Variants in TCF19 observed in about 807,000 individuals in gnomAD.
TCF19 encodes the protein transcription factor 19.
In TCF19, 9 loss-of-function variants were observed where a neutral mutation model predicts 18.3. The ratio of observed to expected loss-of-function variants is 0.49; its 90% CI spans 0.30 to 0.86. The LOEUF is 0.86. Ranked by LOEUF, TCF19 falls within the 40% of genes least tolerant of loss-of-function variation. TCF19 has a pLI of 0.07. For synonymous variants in TCF19, 176 were observed against 185.3 expected (o/e 0.95, Z 0.41); for missense variants, 376 against 464.3 (o/e 0.81, Z 1.75).
Position 31,163,398 on chromosome 6 carries a change from G to A in TCF19, c.*681G>A. Reference sequence around the variant, plus strand: ...GGAAAGGTGCAAATATATGGGTTGAGCTGGAGGTAGGAATACAGGTAATTA... The same window carrying A: ...GGAAAGGTGCAAATATATGGGTTGAACTGGAGGTAGGAATACAGGTAATTA... On this transcript the variant is annotated 3_prime_UTR_variant, in exon 4 of 4. Coordinates refer to ENST00000376257, the MANE Select transcript of TCF19 (RefSeq NM_007109.3). The A allele has an allele frequency of 1.0e-6, 1 of 985,582 alleles. No individual in the cohort carries two copies. Among genetic ancestry groups the A allele is most frequent in the Non-Finnish European group, 1.2e-6 (1 of 830,032 alleles). 61.1% of individuals were successfully genotyped at this position (985,582 alleles called of 1,614,324 possible).
rs566055301 is a variant in TCF19, at chr6:31,159,829, G to C, written c.238+122G>C. ...CTCCCATCAGATTGGATGGATGGTC[G>C]TGGTCCAGACCTTCATCTTCCCACC... On this transcript the variant is annotated intron_variant, in intron 2 of 3. Transcript: ENST00000376257. 67 of 1,005,144 alleles carry C rather than the reference G, an allele frequency of 6.7e-5. No homozygotes were observed. The African/African-American group carries it at 9.6e-4, about 14-fold the overall frequency. 62.3% of individuals were successfully genotyped at this position (1,005,144 alleles called of 1,614,324 possible).
In TCF19 at chr6:31,159,462, C is replaced by T; in HGVS notation, c.-8C>T. The T allele has an allele frequency of 6.4e-7, 1 of 1,554,396 alleles. No homozygotes were observed. On this transcript the variant is annotated 5_prime_UTR_variant, in exon 2 of 4. Coordinates refer to ENST00000376257, the MANE Select transcript of TCF19 (RefSeq NM_007109.3). ...AGTGGAAGAGGTGGTGCAGAGGGGG[C>T]ACCGCCCATGCTGCCCTGCTTCCAA...
chr6:31,163,477 G>C lies in TCF19; in HGVS notation c.*760G>C. The C allele has an allele frequency of 1.0e-6, 1 of 985,408 alleles. No homozygotes were observed. The highest frequency in any genetic ancestry group is 1.2e-6 in the Non-Finnish European group (1 of 829,936). 61.0% of individuals were successfully genotyped at this position (985,408 alleles called of 1,614,324 possible). On this transcript the variant is annotated 3_prime_UTR_variant, in exon 4 of 4. Transcript: ENST00000376257. ...TATTGCCATTTAAATAAGGTAACTGGGATTTGGTTAAGTTCACAAAGATAG... is the reference window on the plus strand; with the variant it reads ...TATTGCCATTTAAATAAGGTAACTGCGATTTGGTTAAGTTCACAAAGATAG...
intron 2 of TCF19, among the ~76,000 whole-genome samples, chr6:31,160,774 CA>C (rs1189488577): frequency 4.4e-4 from 66 of 150,714 alleles, no homozygotes; most frequent in African/African-American, 1.0e-3. Context: ...AACAAACAAA[CA>C]AAAAGCTTGC....
Position 31,162,693 on chromosome 6 carries a change from G to T in TCF19, c.1014G>T (p.Gly338=). Residue 338 remains glycine, a synonymous_variant, in exon 4 of 4, where the codon GGG becomes GGT. Coordinates refer to ENST00000376257, the MANE Select transcript of TCF19 (RefSeq NM_007109.3). The surrounding 1 kb of genome is among the most constrained non-coding windows in gnomAD (Gnocchi z 4.5). ...AAREADFRCP[G]CRAGIQT is the part of the protein sequence containing the mutation. ...GGGAGGCCGACTTCCGATGCCCAGGGTGCCGGGCTGGCATTCAGACCTAAG... is the reference window on the plus strand; with the variant it reads ...GGGAGGCCGACTTCCGATGCCCAGGTTGCCGGGCTGGCATTCAGACCTAAG... 6.2e-7 allele frequency: 1 copy of T among 1,611,882 alleles called. No individual in the cohort carries two copies. Among genetic ancestry groups the T allele is most frequent in the South Asian group, 1.1e-5 (1 of 91,062 alleles).
At chr6:31,160,574 T>G (rs1378824891) in intron 2 of TCF19, among the ~76,000 whole-genome samples, 1 of 151,050 alleles carries the variant, frequency 6.6e-6, no homozygotes, top group Non-Finnish European at 1.5e-5. Flanking sequence ...ACCAACATGT[T>G]GAAACCCCAT....
In TCF19 at chr6:31,162,035, G is replaced by A; in HGVS notation, c.797+30G>A. 1 of 1,569,252 alleles carries A rather than the reference G, an allele frequency of 6.4e-7. No homozygotes were observed. The highest frequency in any genetic ancestry group is 8.7e-7 in the Non-Finnish European group (1 of 1,155,548). On this transcript the variant is annotated intron_variant, in intron 3 of 3. Transcript: ENST00000376257. The surrounding 1 kb of genome is among the most constrained non-coding windows in gnomAD (Gnocchi z 4.5). The stretch of plus-strand genomic sequence containing the variant: ...GTGGAGTCCTCACTTGGCCCTCTCA[G>A]TGTTTTACTGCTTTTCGATTCCTTG...
At chr6:31,161,158 AAAAAAAAAAAGAAAGAAAG>A (rs1238453254) in intron 2 of TCF19, among the ~76,000 whole-genome samples, 1 of 101,868 alleles carries the variant, frequency 9.8e-6, no homozygotes, top group Non-Finnish European at 2.0e-5. Context: ...CATCTCAAAA[AAAAAAAAAAAGAAAGAAAG>A]AAAAAAAAAG....
At chr6:31,161,395 G>A in intron 2 of TCF19, 52 bp from the exon 3 acceptor site, 1 of 1,320,596 alleles carries the variant, frequency 7.6e-7, no homozygotes, top group Non-Finnish European at 9.9e-7. Flanking sequence ...TCCTGACTCT[G>A]GTCATTTCTG....
rs1491258363 is a variant in TCF19 at position 31,159,073 on chromosome 6, A to AC, written c.-397_-396insC. On this transcript the variant is annotated 5_prime_UTR_variant, in exon 2 of 4. Transcript: ENST00000376257. ...TATTGCACGTAGACGTGTGTATAAC[A>AC]GGACCTCCTTCCCCGCGCCCCGCCA... The AC allele has an allele frequency of 4.0e-6, 1 of 252,310 alleles. No individual in the cohort carries two copies. Among genetic ancestry groups the AC allele is most frequent in the African/African-American group, 2.2e-5 (1 of 44,626 alleles). 15.6% of individuals were successfully genotyped at this position (252,310 alleles called of 1,614,324 possible).
rs1776905859 is a variant in TCF19, at chr6:31,162,996, C to T, written c.*279C>T. 9 of 1,335,080 alleles carry T rather than the reference C, an allele frequency of 6.7e-6. No homozygotes were observed. The South Asian group carries it at 1.9e-4, about 28-fold the overall frequency. The allele number at this position is 1,335,080 out of a possible 1,614,324, so 82.7% of individuals were successfully genotyped here. A position where few individuals can be genotyped will look rare whatever the true frequency, so the allele number is the denominator to read the frequency against. On this transcript the variant is annotated 3_prime_UTR_variant, in exon 4 of 4. Transcript: ENST00000376257. The surrounding 1 kb of genome is among the most constrained non-coding windows in gnomAD (Gnocchi z 4.5). Reference sequence around the variant, plus strand: ...AGCCATAAGGCCATGTTGCCATGGACACCAGAATATCTGTAGTCAGAGCAC... The same window carrying T: ...AGCCATAAGGCCATGTTGCCATGGATACCAGAATATCTGTAGTCAGAGCAC...
chr6:31,163,407 A>G lies in TCF19; in HGVS notation c.*690A>G. 1 of 985,538 alleles carries G rather than the reference A, an allele frequency of 1.0e-6. No homozygotes were observed. The highest frequency in any genetic ancestry group is 1.2e-6 in the Non-Finnish European group (1 of 829,978). The allele number at this position is 985,538 out of a possible 1,614,324, so 61.0% of individuals were successfully genotyped here. A position where few individuals can be genotyped will look rare whatever the true frequency, so the allele number is the denominator to read the frequency against. On this transcript the variant is annotated 3_prime_UTR_variant, in exon 4 of 4. Transcript: ENST00000376257. The stretch of plus-strand genomic sequence containing the variant: ...CAAATATATGGGTTGAGCTGGAGGT[A>G]GGAATACAGGTAATTAAGGTTTCTA...
rs1486434029 is a variant in TCF19 at position 31,163,416 on chromosome 6, G to A, written c.*699G>A. 9.1e-6 allele frequency: 9 copies of A among 985,322 alleles called. No individual in the cohort carries two copies. Among genetic ancestry groups the A allele is most frequent in the Non-Finnish European group, 9.6e-6 (8 of 829,946 alleles). 61.0% of individuals were successfully genotyped at this position (985,322 alleles called of 1,614,324 possible). On this transcript the variant is annotated 3_prime_UTR_variant, in exon 4 of 4. Coordinates refer to ENST00000376257, the MANE Select transcript of TCF19 (RefSeq NM_007109.3). ...GGGTTGAGCTGGAGGTAGGAATACA[G>A]GTAATTAAGGTTTCTAGTTTAAGGG...
In TCF19 at chr6:31,163,022, C is replaced by CT; in HGVS notation, c.*306dup. ...ACCAGAATATCTGTAGTCAGAGCACCTATCAGTTGCAAAAGCCATGCCTGC... is the reference window on the plus strand; with the variant it reads ...ACCAGAATATCTGTAGTCAGAGCACCTTATCAGTTGCAAAAGCCATGCCTGC... On this transcript the variant is annotated 3_prime_UTR_variant, in exon 4 of 4. Transcript: ENST00000376257. 1.6e-6 allele frequency: 2 copies of CT among 1,239,550 alleles called. No individual in the cohort carries two copies. Among genetic ancestry groups the CT allele is most frequent in the Non-Finnish European group, 2.0e-6 (2 of 988,854 alleles). The allele number at this position is 1,239,550 out of a possible 1,614,324, so 76.8% of individuals were successfully genotyped here.
chr6:31,159,829 G>A (rs566055301), intron 2 of TCF19, 122 bp downstream of exon 2: 3 of 1,005,014 alleles, frequency 3.0e-6, no homozygotes, highest in African/African-American at 1.6e-5. Context: ...ATGGATGGTC[G>A]TGGTCCAGAC....
At position 31,163,576 on chromosome 6, in the gene TCF19, T is replaced by G; in HGVS notation, c.*859T>G. 1 of 985,474 alleles carries G rather than the reference T, an allele frequency of 1.0e-6. No homozygotes were observed. 61.0% of individuals were successfully genotyped at this position (985,474 alleles called of 1,614,324 possible). A position where few individuals can be genotyped will look rare whatever the true frequency, so the allele number is the denominator to read the frequency against. ...GCCTGGTAAACCAGCTACAGCAGTT[T>G]ACCAGTGTGATGGCTGTGACACAGC... is the stretch of plus-strand genomic sequence containing the variant. On this transcript the variant is annotated 3_prime_UTR_variant, in exon 4 of 4. Coordinates refer to ENST00000376257, the MANE Select transcript of TCF19 (RefSeq NM_007109.3).
Position 31,162,908 on chromosome 6 carries a change from T to G in TCF19, c.*191T>G. 1 of 1,405,848 alleles carries G rather than the reference T, an allele frequency of 7.1e-7. No homozygotes were observed. The highest frequency in any genetic ancestry group is 2.6e-5 in the East Asian group (1 of 38,654). The allele number at this position is 1,405,848 out of a possible 1,614,324, so 87.1% of individuals were successfully genotyped here. ...GGTGGCCAAGACAGAAGAGATGGTT[T>G]CCTGCCAAAGATATTGCCACCTCCA... On this transcript the variant is annotated 3_prime_UTR_variant, in exon 4 of 4. Transcript: ENST00000376257. The surrounding 1 kb of genome is among the most constrained non-coding windows in gnomAD (Gnocchi z 4.5).
chr6:31,163,913 G>GTCAC lies in TCF19; in HGVS notation c.*1198_*1201dup. On this transcript the variant is annotated 3_prime_UTR_variant, in exon 4 of 4. Transcript: ENST00000376257. ...GGAATAAAACTTGAGTAACTAATGA[G>GTCAC]TCACTTATGGGCAGAGTATGCAAAA... 1.0e-6 allele frequency: 1 copy of GTCAC among 985,460 alleles called. No homozygotes were observed. The highest frequency in any genetic ancestry group is 1.2e-6 in the Non-Finnish European group (1 of 829,976). 61.0% of individuals were successfully genotyped at this position (985,460 alleles called of 1,614,324 possible).
chr6:31,160,192 T>C (rs1182964245), intron 2 of TCF19, among the ~76,000 whole-genome samples: 4 of 152,226 alleles, frequency 2.6e-5, no homozygotes, highest in Non-Finnish European at 4.4e-5. Flanking sequence ...TAGACTATAG[T>C]AGCCAACATT....
Sources: allele counts gnomAD v4.1 joint callset (sites outside exome capture counted in the v4.1 genomes callset), GRCh38; gene constraint gnomAD v4.1.1; non-coding constraint Gnocchi (gnomAD v3.1); transcripts MANE v1.5; gene names NCBI Gene and HGNC (gene_info 2026-07-23, HGNC 2026-07-21).